RPH3AL: variants seen among roughly 807,000 people sequenced by gnomAD.
The protein encoded by RPH3AL is rabphilin 3A like (without C2 domains), also known as rab effector Noc2.
RPH3AL carries 38 observed loss-of-function variants against 43.1 expected under a neutral mutation model. That is an observed-to-expected ratio of 0.88 (90% CI 0.68 to 1.15). The LOEUF (loss-of-function observed/expected upper bound fraction) is 1.15. RPH3AL is among the 50% of genes most tolerant of loss of function. The pLI is 0.00. For synonymous variants in RPH3AL, 189 were observed against 176.3 expected (o/e 1.07, Z -0.57); for missense variants, 462 against 423.2 (o/e 1.09, Z -0.81).
chr17:320,546 G>A (rs2044438417), intron 4 of RPH3AL, among the ~76,000 whole-genome samples: 1 of 152,134 alleles, frequency 6.6e-6, no homozygotes, highest in Non-Finnish European at 1.5e-5. Flanking sequence ...GGCTGAGGTG[G>A]GGAGGTCGCT....
Position 212,506 on chromosome 17 carries a change from A to G in RPH3AL, c.*1346T>C, listed in dbSNP as rs1269494125. The G allele has an allele frequency of 6.6e-6, 1 of 152,080 alleles. No individual in the cohort carries two copies. Among genetic ancestry groups the G allele is most frequent in the Non-Finnish European group, 1.5e-5 (1 of 68,026 alleles). The allele number at this position is 152,080 out of a possible 1,614,324, so 9.4% of individuals were successfully genotyped here. On this transcript the variant is annotated 3_prime_UTR_variant, in exon 10 of 10. Coordinates refer to ENST00000331302, the MANE Select transcript of RPH3AL (RefSeq NM_006987.4). The stretch of plus-strand genomic sequence containing the variant: ...AACACACTGGCTCGGTGCAAATTTT[A>G]ATCTTCATTGTTTTAATTCTGAAGC...
chr17:321,537 G>C (rs920194314), intron 3 of RPH3AL, 122 bp from the exon 4 acceptor site: 4 of 1,143,796 alleles, frequency 3.5e-6, no homozygotes, highest in Non-Finnish European at 4.6e-6. Context: ...CGCGTGCCGG[G>C]ACGACGAGCG....
Position 215,612 on chromosome 17 carries a change from G to T in RPH3AL, c.876+42C>A. ...GGAGTGAGTGAGAGAGGACACGGCC[G>T]CGGGGGCAGGAGAGGGGAGAAGGCA... On this transcript the variant is annotated intron_variant, in intron 9 of 9. Transcript: ENST00000331302. This position sits in a 1 kb window ranked among gnomAD's most constrained non-coding sequence, Gnocchi z 4.1. 8.0e-7 allele frequency: 1 copy of T among 1,255,476 alleles called. No individual in the cohort carries two copies. 77.8% of individuals were successfully genotyped at this position (1,255,476 alleles called of 1,614,324 possible). A position where few individuals can be genotyped will look rare whatever the true frequency, so the allele number is the denominator to read the frequency against.
intron 6 of RPH3AL, among the ~76,000 whole-genome samples, chr17:269,822 C>T (rs2042419903): frequency 6.6e-6 from 1 of 152,214 alleles, no homozygotes; most frequent in African/African-American, 2.4e-5. Context: ...TTGGATCTCT[C>T]AGTGCCTCAG....
chr17:327,646 C>T, intron 2 of RPH3AL, 67 bp from the exon 3 acceptor site: 1 of 981,726 alleles, frequency 1.0e-6, no homozygotes, highest in Non-Finnish European at 1.6e-6. Context: ...CAGACAGGTT[C>T]TCTGTGCCCT....
rs7218162 is a variant in RPH3AL at position 311,511 on chromosome 17, C to T, written c.351+7909G>A. ...TGAGTCCTGGGAACCCCAGTCCCAA[C>T]CACAGTGCACGTCACACTAGAGAAT... On this transcript the variant is annotated intron_variant, in intron 5 of 9. Transcript: ENST00000331302. 9.8e-3 allele frequency among the ~76,000 whole-genome samples: 1,487 copies of T among 152,338 alleles called. 18 individuals carry two copies. Among genetic ancestry groups the T allele is most frequent in the African/African-American group, 0.033 (1,364 of 41,582 alleles).
rs1330995708 is a variant in RPH3AL, at chr17:344,198, T to C, written c.-213+8514A>G. Among the ~76,000 whole-genome samples, 8 of 131,738 alleles carry C rather than the reference T, an allele frequency of 6.1e-5. 1 individual carries two copies. Among genetic ancestry groups the C allele is most frequent in the African/African-American group, 2.1e-4 (8 of 38,230 alleles). The allele number at this position is 131,738 out of a possible 152,430, so 86.4% of individuals were successfully genotyped here. Reference sequence around the variant, plus strand: ...ACCAACACCACTATAATCACCCTCATCATCATCACCATCATCACTATCATC... The same window carrying C: ...ACCAACACCACTATAATCACCCTCACCATCATCACCATCATCACTATCATC... On this transcript the variant is annotated intron_variant, in intron 1 of 9. Coordinates refer to ENST00000331302, the MANE Select transcript of RPH3AL (RefSeq NM_006987.4).
intron 5 of RPH3AL, among the ~76,000 whole-genome samples, chr17:298,891 C>T (rs140020725): frequency 1.4e-4 from 22 of 152,050 alleles, no homozygotes; most frequent in Non-Finnish European, 2.5e-4. Context: ...GACGGCAGGT[C>T]GGGGCCGGGG....
At chr17:350,024 C>T (rs1360431766) in intron 1 of RPH3AL, among the ~76,000 whole-genome samples, 3 of 152,216 alleles carry the variant, frequency 2.0e-5, no homozygotes, top group Non-Finnish European at 2.9e-5. Flanking sequence ...ACTGCAGATG[C>T]GATCTCCCTT....
At chr17:315,780 A>ACCTCTATTGACCCGTAG (rs2044081630) in intron 5 of RPH3AL, among the ~76,000 whole-genome samples, 3 of 135,976 alleles carry the variant, frequency 2.2e-5, no homozygotes, top group African/African-American at 5.9e-5. Flanking sequence ...CCGTGACCCC[A>ACCTCTATTGACCCGTAG]TCTCTATTGA....
intron 6 of RPH3AL, among the ~76,000 whole-genome samples, chr17:258,599 C>A (rs1172680291): frequency 1.3e-5 from 2 of 152,156 alleles, no homozygotes; most frequent in Non-Finnish European, 2.9e-5. Context: ...CCGGCCCGTG[C>A]CTCAGCCTTG....
intron 7 of RPH3AL, among the ~76,000 whole-genome samples, chr17:238,490 G>A (rs1333641473): frequency 2.0e-5 from 3 of 152,132 alleles, no homozygotes; most frequent in Admixed American, 1.3e-4. Context: ...CCTGAGAATC[G>A]CTTCCGCGCG....
In RPH3AL at chr17:322,760, G is replaced by A. The variant is rs1445169004; in HGVS notation, c.78-1345C>T. Among the ~76,000 whole-genome samples the A allele has an allele frequency of 4.6e-5, 7 of 152,076 alleles. No homozygotes were observed. Among genetic ancestry groups the A allele is most frequent in the South Asian group, 4.2e-4 (2 of 4,800 alleles). On this transcript the variant is annotated intron_variant, in intron 3 of 9. Coordinates refer to ENST00000331302, the MANE Select transcript of RPH3AL (RefSeq NM_006987.4). The surrounding 1 kb of genome is among the most constrained non-coding windows in gnomAD (Gnocchi z 4.0). Reference sequence around the variant, plus strand: ...GTGGTCTCATGTCCTGCCTGGTCCCGGCTGTTGCAGCTAACGGTTCTCTGT... The same window carrying A: ...GTGGTCTCATGTCCTGCCTGGTCCCAGCTGTTGCAGCTAACGGTTCTCTGT...
At chr17:216,360 A>G (rs1465674062) in intron 8 of RPH3AL, among the ~76,000 whole-genome samples, 4 of 152,138 alleles carry the variant, frequency 2.6e-5, no homozygotes, top group Non-Finnish European at 5.9e-5. Flanking sequence ...GAAAGTCCAC[A>G]ATTATCACAG....
At chr17:321,574 A>G in intron 3 of RPH3AL, 159 bp from the exon 4 acceptor site, 2 of 626,440 alleles carry the variant, frequency 3.2e-6, no homozygotes, top group Non-Finnish European at 2.4e-6. Context: ...CCCAGGTGGC[A>G]ACAGAGATGG....
At chr17:259,388 C>T (rs2042147575) in intron 6 of RPH3AL, among the ~76,000 whole-genome samples, 1 of 152,240 alleles carries the variant, frequency 6.6e-6, no homozygotes, top group Non-Finnish European at 1.5e-5. Flanking sequence ...CACAGGCCTT[C>T]TCTCTCCTGG....
intron 6 of RPH3AL, among the ~76,000 whole-genome samples, chr17:275,614 T>A (rs979655558): frequency 4.6e-5 from 7 of 152,184 alleles, no homozygotes; most frequent in African/African-American, 1.4e-4. Flanking sequence ...TTGGTGCAAT[T>A]ACGGTTCACC....
At chr17:250,296 T>C (rs1414197139) in intron 6 of RPH3AL, among the ~76,000 whole-genome samples, 11 of 99,544 alleles carry the variant, frequency 1.1e-4, no homozygotes, top group East Asian at 2.8e-4. Flanking sequence ...CCAAGCTCCG[T>C]TGCTGCGGGA....
chr17:248,109 G>A (rs530030355), intron 6 of RPH3AL, among the ~76,000 whole-genome samples: 3 of 152,090 alleles, frequency 2.0e-5, no homozygotes, highest in East Asian at 1.9e-4. Flanking sequence ...TCCCAGCCAC[G>A]TGTACCTGCA....
Sources: gnomAD v4.1 joint callset for allele counts (sites outside exome capture counted in the v4.1 genomes callset) on GRCh38, gnomAD v4.1.1 for gene constraint, Gnocchi (gnomAD v3.1) non-coding constraint, MANE v1.5 for transcripts, NCBI Gene and HGNC (gene_info 2026-07-23, HGNC 2026-07-21) for gene names.